The following DNASE1 variants were observed in gnomAD, a reference collection of about 807,000 sequenced individuals.
DNASE1 encodes deoxyribonuclease 1.
DNASE1 carries 40 observed loss-of-function variants against 33.9 expected under a neutral mutation model. That is an observed-to-expected ratio of 1.18 (90% CI 0.92 to 1.54). DNASE1 has a LOEUF of 1.54. Ranked by LOEUF, DNASE1 falls within the 40% of genes most tolerant of loss-of-function variation. The probability of loss-of-function intolerance (pLI) is 0.00; values close to 1 mark genes in which losing one functional copy is unlikely to be tolerated. For synonymous variants in DNASE1, 216 were observed against 160.0 expected (o/e 1.35, Z -2.64); for missense variants, 518 against 372.6 (o/e 1.39, Z -3.21).
upstream of DNASE1, chr16:3,652,754 TTC>T (rs2042376856): frequency 1.3e-5 from 2 of 152,436 alleles, no homozygotes; most frequent in Non-Finnish European, 2.9e-5. Context: ...TGCCTTCTGC[TTC>T]ATGGCCAGCT....
At chr16:3,637,595 G>C (rs1258869967) in intron 1 of DNASE1, among the ~76,000 whole-genome samples, 2 of 152,182 alleles carry the variant, frequency 1.3e-5, no homozygotes, top group African/African-American at 4.8e-5. Context: ...AGGCTGATGA[G>C]GATCTTATAA....
chr16:3,634,360 C>T (rs896820584), intron 1 of DNASE1, among the ~76,000 whole-genome samples: 20 of 151,854 alleles, frequency 1.3e-4, no homozygotes, highest in Admixed American at 3.3e-4. Flanking sequence ...TCCTGAGTAG[C>T]TGGGACTACA....
downstream of DNASE1, chr16:3,660,623 T>G (rs1279613305): frequency 1.3e-5 from 2 of 152,250 alleles, no homozygotes; most frequent in African/African-American, 2.4e-5. Context: ...GGCGCTGCTG[T>G]GCACTGACAG....
rs760319647 is a variant in DNASE1, at chr16:3,657,892, C to T, written c.802-14C>T. The T allele has an allele frequency of 6.2e-7, 1 of 1,614,028 alleles. No individual in the cohort carries two copies. The highest frequency in any genetic ancestry group is 8.5e-7 in the Non-Finnish European group (1 of 1,180,014). Reference sequence around the variant, plus strand: ...GGTAGGCTCAGCCCAGACCCTGTGCCCACTTGCCTGCAGGCCCAAGCCATC... The same window carrying T: ...GGTAGGCTCAGCCCAGACCCTGTGCTCACTTGCCTGCAGGCCCAAGCCATC... On this transcript the variant is annotated splice_polypyrimidine_tract_variant and intron_variant, in intron 8 of 8. Coordinates refer to ENST00000246949, the MANE Select transcript of DNASE1 (RefSeq NM_005223.4).
chr16:3,620,887 G>A (rs186448701), intron 1 of DNASE1, among the ~76,000 whole-genome samples: 1 of 152,012 alleles, frequency 6.6e-6, no homozygotes, highest in South Asian at 2.1e-4. Context: ...TGCAACCTCC[G>A]CTCCCCAGGT....
upstream of DNASE1, chr16:3,652,444 A>G (rs1468162676): frequency 6.6e-6 from 1 of 152,346 alleles, no homozygotes; most frequent in Non-Finnish European, 1.5e-5. Context: ...TAGTCCCTAC[A>G]CCGAATACTC....
chr16:3,663,691 G>C, exon 10 of DNASE1: 2 of 1,207,142 alleles, frequency 1.7e-6, no homozygotes, highest in East Asian at 2.5e-5. Flanking sequence ...GGCAGTTGGG[G>C]TTCCTAGGCC....
chr16:3,644,459 A>G (rs2151195988), intron 1 of DNASE1, among the ~76,000 whole-genome samples: 1 of 152,306 alleles, frequency 6.6e-6, no homozygotes, highest in African/African-American at 2.4e-5. Context: ...GCTACTCAGG[A>G]TGCTGAGGCA....
At chr16:3,663,333 C>G (rs1021293188) in exon 10 of DNASE1, 4 of 1,550,404 alleles carry the variant, frequency 2.6e-6, no homozygotes, top group African/African-American at 2.7e-5. Context: ...GGTCAACTGA[C>G]GAAAACCCAA....
intron 1 of DNASE1, among the ~76,000 whole-genome samples, chr16:3,632,076 A>G (rs188531411): frequency 7.2e-5 from 11 of 152,320 alleles, no homozygotes; most frequent in African/African-American, 2.4e-4. Context: ...GTCCCAAAAC[A>G]TAAACTCATA....
At chr16:3,617,319 T>TC (rs1349503524) in intron 1 of DNASE1, among the ~76,000 whole-genome samples, 1 of 70,636 alleles carries the variant, frequency 1.4e-5, no homozygotes. Flanking sequence ...AGAGCGAAAC[T>TC]CCATCTCAAA....
chr16:3,627,854 T>G (rs2041563799), intron 1 of DNASE1, among the ~76,000 whole-genome samples: 1 of 151,618 alleles, frequency 6.6e-6, no homozygotes, highest in African/African-American at 2.4e-5. Flanking sequence ...ATCCTGAATC[T>G]GTTTTTCTTT....
chr16:3,655,596 G>C lies in DNASE1; in HGVS notation c.147+76G>C, dbSNP rs1041767873. 2.5e-6 allele frequency: 4 copies of C among 1,602,886 alleles called. No homozygotes were observed. In the Admixed American group the frequency reaches 5.0e-5, roughly 20 times the overall value. ...GGCTGGTGGGCAGGGCCAGCCCTATGGAGCCACAGGGTGTCGGGTGTGGGG... is the reference window on the plus strand; with the variant it reads ...GGCTGGTGGGCAGGGCCAGCCCTATCGAGCCACAGGGTGTCGGGTGTGGGG... On this transcript the variant is annotated intron_variant, in intron 2 of 8. Transcript: ENST00000246949.
In DNASE1 at chr16:3,656,624, C is replaced by T. The variant is rs750895139; in HGVS notation, c.321-14C>T. 28 of 1,599,926 alleles carry T rather than the reference C, an allele frequency of 1.8e-5. No individual in the cohort carries two copies. In the Admixed American group the frequency reaches 2.0e-4, roughly 12 times the overall value. On this transcript the variant is annotated splice_polypyrimidine_tract_variant and intron_variant, in intron 4 of 8. Transcript: ENST00000246949. ...CAGCCTGGGGTCACCTCCTCCTGCC[C>T]GGCCTTCCCGCAGGCCTGACCAGGT...
intron 1 of DNASE1, among the ~76,000 whole-genome samples, chr16:3,635,236 T>G (rs2041831962): frequency 6.6e-6 from 1 of 151,992 alleles, no homozygotes; most frequent in African/African-American, 2.4e-5. Context: ...GGCAGATGGA[T>G]CGCTTGAGGT....
chr16:3,615,336 CT>C (rs2041064166), intron 1 of DNASE1, among the ~76,000 whole-genome samples: 1 of 152,154 alleles, frequency 6.6e-6, no homozygotes, highest in African/African-American at 2.4e-5. Flanking sequence ...GCACCTGCTT[CT>C]TTGGGCTAAA....
rs531367934 is a variant in DNASE1 at position 3,622,227 on chromosome 16, A to C, written c.-1359+10221A>C. 1.6e-4 allele frequency among the ~76,000 whole-genome samples: 24 copies of C among 152,096 alleles called. 1 individual carries two copies. In the South Asian group the frequency reaches 4.8e-3, roughly 30 times the overall value. On this transcript the variant is annotated intron_variant and NMD_transcript_variant, in intron 1 of 11. Coordinates refer to the DNASE1 transcript ENST00000570769. ...AGAGCAAGACTGAAAAAAAAAAAAA[A>C]AAAAACGGAGGCTGAATCAGTTTCC... is the stretch of plus-strand genomic sequence containing the variant.
intron 1 of DNASE1, among the ~76,000 whole-genome samples, chr16:3,645,858 A>T (rs1326229808): frequency 1.3e-5 from 2 of 152,212 alleles, no homozygotes; most frequent in Admixed American, 6.5e-5. Context: ...GGCGCAGACC[A>T]AGGGCAGTGC....
chr16:3,658,201 TCCAGCAG>T (rs1286759694), downstream of DNASE1: 4 of 1,613,658 alleles, frequency 2.5e-6, no homozygotes, highest in Non-Finnish European at 3.4e-6. Context: ...CGTCAACAAG[TCCAGCAG>T]CAATCATGGC....
Sources: gnomAD v4.1 joint callset for allele counts (sites outside exome capture counted in the v4.1 genomes callset) on GRCh38, gnomAD v4.1.1 for gene constraint, MANE v1.5 for transcripts, NCBI Gene and HGNC (gene_info 2026-07-23, HGNC 2026-07-21) for gene names.